The following ATG9B variants were observed in gnomAD, a reference collection of about 807,000 sequenced individuals.
The protein encoded by ATG9B is autophagy related 9B.
ATG9B carries 92 observed loss-of-function variants against 92.9 expected under a neutral mutation model. The observed-to-expected ratio is 0.99, with a 90% CI of 0.84 to 1.18. The LOEUF is 1.18. ATG9B is among the 50% of genes most tolerant of loss of function. The pLI is 0.00. For missense variants in ATG9B, 1,344 were observed against 1,235.0 expected (o/e 1.09, Z -1.32); for synonymous variants, 599 against 551.4 (o/e 1.09, Z -1.21).
chr7:151,024,304 G>A lies in ATG9B; in HGVS notation c.120C>T (p.Cys40=). ...MPLPPPPPPS[C]RGPGGGRISI... ...AGATCCTCCCTCCCCCAGGTCCCCG[G>A]CATGAAGGAGGAGGAGGAGGTGGCA... Residue 40 remains cysteine (C), a synonymous_variant, in exon 1 of 14, where the codon TGC becomes TGT. Transcript: ENST00000639579. 7.0e-7 allele frequency: 1 copy of A among 1,430,392 alleles called. No individual in the cohort carries two copies. The highest frequency in any genetic ancestry group is 1.4e-5 in the African/African-American group (1 of 69,336). The allele number at this position is 1,430,392 out of a possible 1,614,324, so 88.6% of individuals were successfully genotyped here.
chr7:151,022,209 G>A (rs1795779439), intron 4 of ATG9B, among the ~76,000 whole-genome samples: 1 of 148,596 alleles, frequency 6.7e-6, no homozygotes, highest in Admixed American at 6.6e-5. Flanking sequence ...AGGGAGGAGG[G>A]TGTAGGGATG....
In ATG9B at chr7:151,019,212, G is replaced by A. The variant is rs774659061; in HGVS notation, c.1126C>T (p.Leu376=). The A allele has an allele frequency of 1.2e-5, 19 of 1,541,612 alleles. No individual in the cohort carries two copies. In the Admixed American group the frequency reaches 2.7e-4, roughly 22 times the overall value. Residue 376 remains leucine (L), a synonymous_variant, in exon 6 of 14, where the codon CTG becomes TTG. Coordinates refer to ENST00000639579, the MANE Select transcript of ATG9B (RefSeq NM_001317056.2). ...NYQVALANKG[L]LPARCPLPWG... is the part of the protein sequence containing the mutation. ...GGCAGCGGGCAGCGGGCCGGCAGCA[G>A]GCCTTTGTTGGCCAGCGCCACCTGG... is the stretch of plus-strand genomic sequence containing the variant.
chr7:151,012,867 A>G (rs1795336552), downstream of ATG9B: 1 of 342,790 alleles, frequency 2.9e-6, no homozygotes, highest in Admixed American at 4.5e-5. Flanking sequence ...TGTCAATCAA[A>G]AGAAGAGGGC....
downstream of ATG9B, chr7:151,015,057 C>T (rs905785977): frequency 6.6e-6 from 1 of 152,244 alleles, no homozygotes; most frequent in African/African-American, 2.4e-5. Flanking sequence ...CTGGGCTGCT[C>T]CCCCGTGCAG....
intron 3 of ATG9B, 48 bp downstream of exon 3, chr7:151,023,397 G>T: frequency 6.2e-7 from 1 of 1,607,354 alleles, no homozygotes; most frequent in South Asian, 1.1e-5. Flanking sequence ...ACAGAAGGAA[G>T]CCATGGGCCC....
chr7:151,013,362 G>A (rs1223232866), downstream of ATG9B: 1 of 1,613,422 alleles, frequency 6.2e-7, no homozygotes, highest in Admixed American at 1.7e-5. Context: ...CTTCTCCCGG[G>A]AACCTGACAA....
intron 5 of ATG9B, 119 bp downstream of exon 5, chr7:151,021,069 C>T (rs1795726535): frequency 8.0e-7 from 1 of 1,245,990 alleles, no homozygotes; most frequent in East Asian, 2.3e-5. Flanking sequence ...GTCAATAAGA[C>T]CTCGCTCTTT....
In ATG9B at chr7:151,024,205, G is replaced by A. The variant is rs1206101250; in HGVS notation, c.219C>T (p.Pro73=). The A allele has an allele frequency of 1.3e-6, 2 of 1,501,558 alleles. No individual in the cohort carries two copies. Among genetic ancestry groups the A allele is most frequent in the Admixed American group, 2.3e-5 (1 of 43,784 alleles). The allele number at this position is 1,501,558 out of a possible 1,614,324, so 93.0% of individuals were successfully genotyped here. A position where few individuals can be genotyped will look rare whatever the true frequency, so the allele number is the denominator to read the frequency against. Reference sequence around the variant, plus strand: ...CTGTCCCCTGTAGCACTGAGCAAGGGGGCCCTGCGGTGGGAGGGGAAAATG... The same window carrying A: ...CTGTCCCCTGTAGCACTGAGCAAGGAGGCCCTGCGGTGGGAGGGGAAAATG... ...PSSFSPPTAG[P]PCSVLQGTGA... Residue 73 remains proline (P), a synonymous_variant, in exon 1 of 14, where the codon CCC becomes CCT. Coordinates refer to ENST00000639579, the MANE Select transcript of ATG9B (RefSeq NM_001317056.2).
In ATG9B at chr7:151,019,307, C is replaced by T. The variant is rs1795661208; in HGVS notation, c.1031G>A (p.Gly344Asp). 1.9e-6 allele frequency: 3 copies of T among 1,582,874 alleles called. No homozygotes were observed. Among genetic ancestry groups the T allele is most frequent in the Non-Finnish European group, 2.6e-6 (3 of 1,171,986 alleles). Residue 344 changes from glycine to aspartate, a missense_variant, in exon 6 of 14, where the codon GGC becomes GAC. Physicochemically the swap from Gly to Asp is moderately conservative, Grantham distance 94. Coordinates refer to ENST00000639579, the MANE Select transcript of ATG9B (RefSeq NM_001317056.2). ...CAGGGGCCGCGGCTGCACGCACAGG[C>T]CCCCGCTCCGCTGCAGTGCCAAGAG... ...SRLLALQRSGGLCVQPRPLTE... is the reference protein window; with the variant it reads ...SRLLALQRSGDLCVQPRPLTE...
At chr7:151,017,347 C>T in intron 8 of ATG9B, 75 bp from the exon 9 acceptor site, 2 of 1,384,000 alleles carry the variant, frequency 1.4e-6, no homozygotes, top group East Asian at 4.6e-5. Context: ...GAAACACTGC[C>T]CCATCTTCCA....
chr7:151,014,270 TTC>T (rs1433600165), downstream of ATG9B: 1 of 1,184,810 alleles, frequency 8.4e-7, no homozygotes, highest in African/African-American at 1.5e-5. Flanking sequence ...AGGTGGTGCC[TTC>T]TCACATCTGT....
rs535167096 is a variant in ATG9B, at chr7:151,018,369, G to A, written c.1797C>T (p.Tyr599=). 2 of 1,598,272 alleles carry A rather than the reference G, an allele frequency of 1.3e-6. No homozygotes were observed. Among genetic ancestry groups the A allele is most frequent in the Non-Finnish European group, 8.5e-7 (1 of 1,173,924 alleles). ...CGCCGGGGCCGGGCTCCTCCGGGAGGTAGTGCATGTGGGCCAGGGCTGTCT... is the reference window on the plus strand; with the variant it reads ...CGCCGGGGCCGGGCTCCTCCGGGAGATAGTGCATGTGGGCCAGGGCTGTCT... The part of the protein sequence containing the change: ...LLQTALAHMH[Y]LPEEPGPGGR... Residue 599 remains tyrosine (Y), a synonymous_variant, in exon 7 of 14, where the codon TAC becomes TAT. Transcript: ENST00000639579. The surrounding 1 kb of genome is among the most constrained non-coding windows in gnomAD (Gnocchi z 4.7).
chr7:151,012,942 A>T, downstream of ATG9B: 1 of 466,222 alleles, frequency 2.1e-6, no homozygotes, highest in South Asian at 3.2e-5. Context: ...GGGGACTGCG[A>T]TGTCACACAA....
At chr7:151,023,268 C>T in intron 3 of ATG9B, 62 bp from the exon 4 acceptor site, 2 of 1,610,498 alleles carry the variant, frequency 1.2e-6, no homozygotes, top group Non-Finnish European at 1.7e-6. Flanking sequence ...AGGTGGGCTC[C>T]TGCCCCAGCC....
Position 151,024,086 on chromosome 7 carries a change from G to A in ATG9B, c.338C>T (p.Ser113Phe). 2 of 1,604,938 alleles carry A rather than the reference G, an allele frequency of 1.2e-6. No homozygotes were observed. Among genetic ancestry groups the A allele is most frequent in the Non-Finnish European group, 1.7e-6 (2 of 1,176,116 alleles). Residue 113 changes from serine to phenylalanine, a missense_variant, in exon 1 of 14, where the codon TCC becomes TTC. Transcript: ENST00000639579. ...GGGTGGGGTGGAGTGGGATCCCCAGGAGGGAGATGCAGAGGCAGGTGTCAT... is the reference window on the plus strand; with the variant it reads ...GGGTGGGGTGGAGTGGGATCCCCAGAAGGGAGATGCAGAGGCAGGTGTCAT... Reference protein sequence around the residue: ...PAMTPASASPSWGSHSTPPLA... With the variant: ...PAMTPASASPFWGSHSTPPLA...
chr7:151,018,174 C>G lies in ATG9B; in HGVS notation c.1872+120G>C, dbSNP rs1243197989. ...CCTCCCCACCCAGTCACTCCCTAGA[C>G]TCCTGGTATAGTCCGTTTGTCTCAT... On this transcript the variant is annotated intron_variant, in intron 7 of 13. Transcript: ENST00000639579. The surrounding 1 kb of genome is among the most constrained non-coding windows in gnomAD (Gnocchi z 4.7). 1 of 1,468,272 alleles carries G rather than the reference C, an allele frequency of 6.8e-7. No individual in the cohort carries two copies. The highest frequency in any genetic ancestry group is 9.0e-7 in the Non-Finnish European group (1 of 1,112,290). The allele number at this position is 1,468,272 out of a possible 1,614,324, so 91.0% of individuals were successfully genotyped here.
downstream of ATG9B, chr7:151,014,161 AG>A (rs775291992): frequency 1.3e-6 from 2 of 1,598,448 alleles, no homozygotes; most frequent in Non-Finnish European, 1.7e-6. Context: ...AGACACCAAC[AG>A]CCCCTGAGAG....
Position 151,019,273 on chromosome 7 carries a change from C to G in ATG9B, c.1065G>C (p.Leu355=). ...AGCGCAGGATGCGGTGGTGGATGTC[C>G]AGCTCCGTCAGGGGCCGCGGCTGCA... ...LCVQPRPLTE[L]DIHHRILRYT... Residue 355 remains leucine, a synonymous_variant, in exon 6 of 14, where the codon CTG becomes CTC. Coordinates refer to ENST00000639579, the MANE Select transcript of ATG9B (RefSeq NM_001317056.2). The G allele has an allele frequency of 6.3e-7, 1 of 1,583,530 alleles. No homozygotes were observed. The highest frequency in any genetic ancestry group is 8.5e-7 in the Non-Finnish European group (1 of 1,172,348).
At chr7:151,014,607 T>G (rs1035844532), downstream of ATG9B, 1 of 156,294 alleles carries the variant, frequency 6.4e-6, no homozygotes, top group African/African-American at 2.5e-5. Context: ...ACAGTTTTTT[T>G]TTTTTGTTTT....
Sources: gnomAD v4.1 joint callset for allele counts (sites outside exome capture counted in the v4.1 genomes callset) on GRCh38, gnomAD v4.1.1 for gene constraint, Gnocchi (gnomAD v3.1) non-coding constraint, MANE v1.5 for transcripts, NCBI Gene and HGNC (gene_info 2026-07-23, HGNC 2026-07-21) for gene names.